NEGR1: variants seen among roughly 807,000 people sequenced by gnomAD.
The protein encoded by NEGR1 is IgLON family member 4.
Under a neutral mutation model 40.9 loss-of-function variants are expected in NEGR1, and 10 were observed. That is an observed-to-expected ratio of 0.24 (90% CI 0.15 to 0.42). The LOEUF (loss-of-function observed/expected upper bound fraction) is 0.42. Among genes scored for constraint, NEGR1 ranks in the 10% least tolerant of loss-of-function variants. NEGR1 has a pLI of 1.00. For missense variants in NEGR1, 352 were observed against 438.9 expected (o/e 0.80, Z 1.77); for synonymous variants, 185 against 166.8 (o/e 1.11, Z -0.84).
chr1:71,469,654 G>C (rs1354588106), intron 6 of NEGR1, among the ~76,000 whole-genome samples: 2 of 152,058 alleles, frequency 1.3e-5, no homozygotes, highest in Non-Finnish European at 1.5e-5. Context: ...GCTTGGGACA[G>C]AGTGAAAGGG....
At chr1:71,941,305 A>G (rs1478605223) in intron 1 of NEGR1, among the ~76,000 whole-genome samples, 1 of 151,860 alleles carries the variant, frequency 6.6e-6, no homozygotes, top group Non-Finnish European at 1.5e-5. Flanking sequence ...TATGGAAGAG[A>G]ACAGAAATTT....
chr1:71,996,152 T>C (rs1453850253), intron 1 of NEGR1, among the ~76,000 whole-genome samples: 1 of 152,118 alleles, frequency 6.6e-6, no homozygotes, highest in Non-Finnish European at 1.5e-5. Context: ...ATAATAAATA[T>C]GAAATAACAT....
intron 3 of NEGR1, among the ~76,000 whole-genome samples, chr1:71,755,261 C>T (rs747511957): frequency 2.6e-5 from 4 of 152,098 alleles, no homozygotes; most frequent in Admixed American, 6.5e-5. Context: ...TGGGATTCCC[C>T]GAGTCCTCTT....
At chr1:71,613,503 C>T (rs1388972420) in intron 4 of NEGR1, among the ~76,000 whole-genome samples, 1 of 151,798 alleles carries the variant, frequency 6.6e-6, no homozygotes, top group Non-Finnish European at 1.5e-5. Flanking sequence ...AAAAATTAGC[C>T]AGGCATAGTG....
chr1:72,121,151 T>A (rs566896662), intron 1 of NEGR1, among the ~76,000 whole-genome samples: 7 of 152,178 alleles, frequency 4.6e-5, no homozygotes, highest in East Asian at 1.9e-4. Context: ...TTGTGTTACA[T>A]CTTTTACAAT....
intron 3 of NEGR1, among the ~76,000 whole-genome samples, chr1:71,750,535 G>A (rs984499299): frequency 1.3e-5 from 2 of 152,166 alleles, no homozygotes; most frequent in African/African-American, 2.4e-5. Context: ...GGAAGGAGGA[G>A]CAAGTCACAT....
At chr1:71,945,606 C>T (rs10789331) in intron 1 of NEGR1, among the ~76,000 whole-genome samples, 74,447 of 145,014 alleles carry the variant, frequency 0.51, 18,776 homozygotes, top group East Asian at 0.67. Context: ...ACAAAAGTTT[C>T]TTTTTTTATA....
intron 6 of NEGR1, among the ~76,000 whole-genome samples, chr1:71,546,095 G>C (rs536386563): frequency 6.6e-6 from 1 of 151,820 alleles, no homozygotes; most frequent in South Asian, 2.1e-4. Flanking sequence ...TGACACAACA[G>C]CTCTTTGGTC....
At chr1:71,550,940 T>A (rs1648055840) in intron 6 of NEGR1, among the ~76,000 whole-genome samples, 1 of 151,624 alleles carries the variant, frequency 6.6e-6, no homozygotes. Flanking sequence ...CTCTTAAGAA[T>A]AACTTAGAAC....
chr1:71,767,763 G>T (rs1156647741), intron 3 of NEGR1, among the ~76,000 whole-genome samples: 1 of 152,204 alleles, frequency 6.6e-6, no homozygotes, highest in Non-Finnish European at 1.5e-5. Context: ...AGACCTGGAG[G>T]CCTACCAAGG....
chr1:71,649,426 C>G (rs1047137064), intron 4 of NEGR1, among the ~76,000 whole-genome samples: 1 of 151,964 alleles, frequency 6.6e-6, no homozygotes, highest in African/African-American at 2.4e-5. Flanking sequence ...TATTATATAA[C>G]TAAATTGGAA....
chr1:72,062,059 T>G (rs1246535025), intron 1 of NEGR1, among the ~76,000 whole-genome samples: 1 of 151,866 alleles, frequency 6.6e-6, no homozygotes, highest in African/African-American at 2.4e-5. Flanking sequence ...GCATCAGGAA[T>G]AAAGTCCATG....
intron 1 of NEGR1, among the ~76,000 whole-genome samples, chr1:72,090,910 T>C (rs141657656): frequency 6.6e-6 from 1 of 152,198 alleles, no homozygotes; most frequent in African/African-American, 2.4e-5. Context: ...TAAAATACCA[T>C]AATGTCTCCG....
intron 3 of NEGR1, among the ~76,000 whole-genome samples, chr1:71,773,406 G>A (rs1656396921): frequency 6.6e-6 from 1 of 151,920 alleles, no homozygotes; most frequent in Admixed American, 6.6e-5. Flanking sequence ...TGCTGTTTTG[G>A]GACACATTTT....
rs111838915 is a variant in NEGR1, at chr1:71,610,008, G to A, written c.788+1018C>T. ...TCTCTCCTGCCGCCTAGTGAAGAAG[G>A]AAGTGTTTGCTTCCCCTTCCACTGT... is the stretch of plus-strand genomic sequence containing the variant. On this transcript the variant is annotated intron_variant, in intron 5 of 6. Transcript: ENST00000357731. 4.0e-4 allele frequency among the ~76,000 whole-genome samples: 61 copies of A among 152,192 alleles called. 1 individual carries two copies. The highest frequency in any genetic ancestry group is 1.5e-4 in the Non-Finnish European group (10 of 68,042).
At chr1:71,730,569 T>TTTTATATATATATATATATATATATATA (rs370694117) in intron 3 of NEGR1, among the ~76,000 whole-genome samples, 1 of 134,726 alleles carries the variant, frequency 7.4e-6, no homozygotes, top group African/African-American at 2.8e-5. Flanking sequence ...TAGTATAAAT[T>TTTTATATATATATATATATATATATATA]TATATATATA....
chr1:71,560,132 G>A (rs974623574), intron 6 of NEGR1, among the ~76,000 whole-genome samples: 1 of 151,172 alleles, frequency 6.6e-6, no homozygotes, highest in African/African-American at 2.4e-5. Context: ...GAAAGTCATC[G>A]TTTATGAGAA....
intron 6 of NEGR1, among the ~76,000 whole-genome samples, chr1:71,576,594 A>C (rs1252545569): frequency 6.6e-6 from 1 of 152,154 alleles, no homozygotes; most frequent in Non-Finnish European, 1.5e-5. Flanking sequence ...TGTAGTAAAG[A>C]CTACTGGTTT....
Position 71,672,666 on chromosome 1 carries a change from A to G in NEGR1, c.667+25342T>C, listed in dbSNP as rs547462984. On this transcript the variant is annotated intron_variant, in intron 4 of 6. Transcript: ENST00000357731. The stretch of plus-strand genomic sequence containing the variant: ...GGGAAACAGTGCTCAATGTTTGCCA[A>G]ACTTAAGTTTCAGAATAGCACCTTG... Among the ~76,000 whole-genome samples, 26 of 152,332 alleles carry G rather than the reference A, an allele frequency of 1.7e-4. No homozygotes were observed. The South Asian group carries it at 5.4e-3, about 32-fold the overall frequency.
Sources: gnomAD v4.1 joint callset for allele counts (sites outside exome capture counted in the v4.1 genomes callset) on GRCh38, gnomAD v4.1.1 for gene constraint, MANE v1.5 for transcripts, NCBI Gene and HGNC (gene_info 2026-07-23, HGNC 2026-07-21) for gene names.